MYH11: variants seen among roughly 807,000 people sequenced by gnomAD.
MYH11 encodes the protein myosin heavy chain 11.
MYH11 carries 80 observed loss-of-function variants against 246.6 expected under a neutral mutation model. The ratio of observed to expected loss-of-function variants is 0.32; its 90% CI spans 0.27 to 0.39. The LOEUF (loss-of-function observed/expected upper bound fraction) is 0.39. MYH11 is among the 10% of genes least tolerant of loss of function. MYH11 has a pLI of 1.00. For missense variants in MYH11, 2,158 were observed against 2,546.8 expected, an observed-to-expected ratio of 0.85 and a Z score of 3.29; for synonymous variants, 1,071 against 1,015.5, an observed-to-expected ratio of 1.05 and a Z score of -1.04.
intron 27 of MYH11, among the ~76,000 whole-genome samples, chr16:15,728,058 A>T (rs2040850351): frequency 6.6e-6 from 1 of 152,126 alleles, no homozygotes; most frequent in African/African-American, 2.4e-5. Context: ...GCGAAACTGC[A>T]TCTCTACTAA....
At chr16:15,798,222 A>G (rs77326940) in intron 4 of MYH11, among the ~76,000 whole-genome samples, 4,541 of 152,234 alleles carry the variant, frequency 0.03, 227 homozygotes, top group African/African-American at 0.1. Context: ...AGTGATACCA[A>G]TCACCAAATA....
At chr16:15,786,231 G>A (rs1475483997) in intron 5 of MYH11, 2 of 367,894 alleles carry the variant, frequency 5.4e-6, no homozygotes, top group Admixed American at 3.7e-5. Flanking sequence ...AGGGAAGGGG[G>A]CTGTCGGCAT....
intron 3 of MYH11, among the ~76,000 whole-genome samples, chr16:15,817,953 A>G (rs2043303684): frequency 6.6e-6 from 1 of 152,082 alleles, no homozygotes; most frequent in Admixed American, 6.6e-5. Context: ...TCTATAAATA[A>G]CTCTAATAAT....
At chr16:15,719,461 C>T in intron 35 of MYH11, 124 bp downstream of exon 35, 2 of 1,532,898 alleles carry the variant, frequency 1.3e-6, no homozygotes, top group South Asian at 2.2e-5. Flanking sequence ...AAGCGTGTGT[C>T]TTTCTAGACA....
At chr16:15,709,556 C>G (rs1175164253) in intron 40 of MYH11, among the ~76,000 whole-genome samples, 1 of 152,124 alleles carries the variant, frequency 6.6e-6, no homozygotes, top group Non-Finnish European at 1.5e-5. Flanking sequence ...CTCAAGTGAT[C>G]CACCCACCTC....
Position 15,838,073 on chromosome 16 carries a change from C to T in MYH11, c.180G>A (p.Val60=). The part of the protein sequence containing the change: ...IKEEKGDEVV[V]ELVENGKKVT... ...CCTTCTTGCCATTCTCCACCAGCTC[C>T]ACAACCACCTCATCCCCCTTCTCCT... is the stretch of plus-strand genomic sequence containing the variant. The change falls in exon 2 of 41, where the codon GTG becomes GTA. Residue 60 remains valine, a synonymous_variant. Coordinates refer to ENST00000300036, the MANE Select transcript of MYH11 (RefSeq NM_002474.3). 1 of 1,614,094 alleles carries T rather than the reference C, an allele frequency of 6.2e-7. No homozygotes were observed. Among genetic ancestry groups the T allele is most frequent in the Non-Finnish European group, 8.5e-7 (1 of 1,180,032 alleles).
At chr16:15,733,875 G>A (rs2041039556) in intron 26 of MYH11, among the ~76,000 whole-genome samples, 2 of 152,182 alleles carry the variant, frequency 1.3e-5, no homozygotes, top group Non-Finnish European at 2.9e-5. Flanking sequence ...CAAAGGCCAA[G>A]CGGCAAGGGA....
chr16:15,735,288 T>C lies in MYH11; in HGVS notation c.3506+78A>G. The C allele has an allele frequency of 9.2e-6, 14 of 1,522,964 alleles. No homozygotes were observed. The South Asian group carries it at 1.5e-4, about 16-fold the overall frequency. 94.3% of individuals were successfully genotyped at this position (1,522,964 alleles called of 1,614,324 possible). On this transcript the variant is annotated intron_variant, in intron 26 of 40. Transcript: ENST00000300036. ...CACAGGGGCTGATGCACGATTTGCT[T>C]TGGGTTTGTCCCCTCTTCTGCCCCC...
intron 3 of MYH11, among the ~76,000 whole-genome samples, chr16:15,801,767 G>A (rs1205499897): frequency 6.6e-6 from 1 of 152,070 alleles, no homozygotes; most frequent in Non-Finnish European, 1.5e-5. Flanking sequence ...GACCAGCCTG[G>A]CCAACATGGT....
intron 16 of MYH11, chr16:15,749,441 T>C (rs926609517): frequency 6.5e-6 from 1 of 152,788 alleles, no homozygotes; most frequent in African/African-American, 2.4e-5. Context: ...TGTCACCAAG[T>C]TGATGGCCAC....
In MYH11 at chr16:15,813,981, TAA is replaced by T. The variant is rs575637839; in HGVS notation, c.502+9272_502+9273del. 2.2e-3 allele frequency among the ~76,000 whole-genome samples: 327 copies of T among 149,086 alleles called. 3 individuals are homozygous for T. Among genetic ancestry groups the T allele is most frequent in the South Asian group, 0.015 (72 of 4,682 alleles). ...ACGAGCCTGGCCAACCCGTCTCTAC[TAA>T]AAATACAGAAATTAGCTGGGCATGG... On this transcript the variant is annotated intron_variant, in intron 3 of 40. Transcript: ENST00000300036.
chr16:15,851,283 T>C (rs1403477024), intron 1 of MYH11, among the ~76,000 whole-genome samples: 1 of 152,112 alleles, frequency 6.6e-6, no homozygotes, highest in African/African-American at 2.4e-5. Context: ...AAAAAGGCAG[T>C]TTAGATCTAT....
At chr16:15,841,612 G>A (rs2044052809) in intron 1 of MYH11, among the ~76,000 whole-genome samples, 1 of 152,186 alleles carries the variant, frequency 6.6e-6, no homozygotes, top group South Asian at 2.1e-4. Context: ...CCCATGGATG[G>A]TAGATTCACG....
intron 27 of MYH11, among the ~76,000 whole-genome samples, chr16:15,731,611 C>T (rs1425410561): frequency 6.6e-6 from 1 of 151,950 alleles, no homozygotes; most frequent in African/African-American, 2.4e-5. Flanking sequence ...CCTGCCTCAG[C>T]CTCCCGAGTA....
intron 4 of MYH11, among the ~76,000 whole-genome samples, chr16:15,798,252 G>C (rs1465105866): frequency 6.6e-6 from 1 of 152,158 alleles, no homozygotes; most frequent in African/African-American, 2.4e-5. Flanking sequence ...TGTGTTTGTG[G>C]CTTGATAAAT....
chr16:15,797,761 C>T (rs1285512427), intron 4 of MYH11, among the ~76,000 whole-genome samples: 2 of 152,022 alleles, frequency 1.3e-5, no homozygotes, highest in African/African-American at 2.4e-5. Flanking sequence ...CCAATGCACA[C>T]GTTCCCAGCT....
Position 15,830,343 on chromosome 16 carries a change from C to A in MYH11, c.346-6932G>T, listed in dbSNP as rs982697352. 2.0e-5 allele frequency among the ~76,000 whole-genome samples: 3 copies of A among 152,312 alleles called. No homozygotes were observed. In the South Asian group the frequency reaches 6.2e-4, roughly 32 times the overall value. The stretch of plus-strand genomic sequence containing the variant: ...CACCAAGCACGTGCTTTTGCTGCAG[C>A]CTTGCTTTTAAGAGCAAAAAGACTA... On this transcript the variant is annotated intron_variant, in intron 2 of 40. Transcript: ENST00000300036.
intron 8 of MYH11, 144 bp downstream of exon 8, chr16:15,775,934 T>C: frequency 1.4e-6 from 1 of 739,710 alleles, no homozygotes; most frequent in Non-Finnish European, 2.5e-6. Context: ...TGGGAGGAGA[T>C]GAAGAACTGT....
intron 1 of MYH11, among the ~76,000 whole-genome samples, chr16:15,844,465 T>A (rs1596948500): frequency 6.6e-6 from 1 of 152,308 alleles, no homozygotes; most frequent in East Asian, 1.9e-4. Context: ...CTCAAAGTGC[T>A]GACATTACAG....
Sources: gnomAD v4.1 joint callset for allele counts (sites outside exome capture counted in the v4.1 genomes callset) on GRCh38, gnomAD v4.1.1 for gene constraint, MANE v1.5 for transcripts, NCBI Gene and HGNC (gene_info 2026-07-23, HGNC 2026-07-21) for gene names.